Variants in NUP107 observed in about 807,000 individuals in gnomAD.
NUP107 encodes the protein nuclear pore complex protein Nup107.
Under a neutral mutation model 141.0 loss-of-function variants are expected in NUP107, and 101 were observed. The observed-to-expected ratio is 0.72, with a 90% CI of 0.61 to 0.84. The LOEUF (loss-of-function observed/expected upper bound fraction) is 0.84, where lower values mean the gene tolerates loss of function less well. Among genes scored for constraint, NUP107 ranks in the 40% least tolerant of loss-of-function variants. The probability of loss-of-function intolerance (pLI) is 0.00; values close to 1 mark genes in which losing one functional copy is unlikely to be tolerated. For missense variants in NUP107, 941 were observed against 1,102.7 expected, an observed-to-expected ratio of 0.85 and a Z score of 2.08; for synonymous variants, 319 against 363.9, an observed-to-expected ratio of 0.88 and a Z score of 1.41.
intron 5 of NUP107, among the ~76,000 whole-genome samples, chr12:68,695,617 A>C (rs1203663826): frequency 1.3e-5 from 2 of 152,206 alleles, no homozygotes; most frequent in Non-Finnish European, 2.9e-5. Flanking sequence ...GGCTGGGGTA[A>C]GTGGAGAGTG....
intron 12 of NUP107, among the ~76,000 whole-genome samples, chr12:68,717,253 T>G (rs1016191623): frequency 2.0e-5 from 3 of 152,172 alleles, no homozygotes; most frequent in Admixed American, 6.5e-5. Context: ...GCTCAAAAAA[T>G]AGAAATTCTC....
Position 68,734,727 on chromosome 12 carries a change from A to T in NUP107, c.2282A>T (p.Asn761Ile). 2.5e-6 allele frequency: 4 copies of T among 1,602,234 alleles called. No homozygotes were observed. The highest frequency in any genetic ancestry group is 3.4e-6 in the Non-Finnish European group (4 of 1,175,458). The change falls in exon 25 of 28, where the codon AAT (asparagine) becomes ATT (isoleucine). Residue 761 changes from asparagine (N) to isoleucine (I), a missense_variant. By Grantham distance (149) the Asn-to-Ile change is moderately radical (BLOSUM62 -3). Coordinates refer to ENST00000229179, the MANE Select transcript of NUP107 (RefSeq NM_020401.4). ...RAYLEAHETF[N>I]EWFKHMNSVP... ...TTTTAGGAAGCCCATGAAACCTTTA[A>T]TGAGTGGTTTAAGCATATGAATTCA...
chr12:68,692,015 G>C lies in NUP107; in HGVS notation c.351G>C (p.Gln117His). ...DSNWAAAFSS[Q>H]RSGLFTNTEP... ...ACTGGGCAGCTGCATTTTCATCACA[G>C]CGTTCCGGGCTGTTCACAAACACAG... Residue 117 changes from glutamine (Q) to histidine (H), a missense_variant, in exon 5 of 28, where the codon CAG becomes CAC. By Grantham distance (24) the Gln-to-His change is conservative (BLOSUM62 0). Coordinates refer to ENST00000229179, the MANE Select transcript of NUP107 (RefSeq NM_020401.4). 6.2e-7 allele frequency: 1 copy of C among 1,607,404 alleles called. No individual in the cohort carries two copies. The highest frequency in any genetic ancestry group is 8.5e-7 in the Non-Finnish European group (1 of 1,177,416).
intron 3 of NUP107, 64 bp downstream of exon 3, chr12:68,689,683 T>C: frequency 1.0e-6 from 1 of 983,312 alleles, no homozygotes; most frequent in Non-Finnish European, 1.6e-6. Context: ...CTAACATTTA[T>C]TGTAACATAA....
chr12:68,741,224 A>T (rs1878307308), intron 26 of NUP107, among the ~76,000 whole-genome samples: 1 of 152,184 alleles, frequency 6.6e-6, no homozygotes, highest in Non-Finnish European at 1.5e-5. Context: ...CCATGTATGT[A>T]TAAAGGAATG....
intron 19 of NUP107, among the ~76,000 whole-genome samples, chr12:68,727,099 A>G (rs1877599318): frequency 6.6e-6 from 1 of 152,182 alleles, no homozygotes; most frequent in Non-Finnish European, 1.5e-5. Context: ...CTCTGGGTAA[A>G]TAAAACTTCC....
chr12:68,702,246 C>T (rs1392197863), intron 7 of NUP107, among the ~76,000 whole-genome samples: 1 of 152,140 alleles, frequency 6.6e-6, no homozygotes, highest in East Asian at 1.9e-4. Context: ...ACCTCGGCCT[C>T]CCAAAGTGCT....
chr12:68,705,027 T>C (rs1016941763), intron 8 of NUP107, among the ~76,000 whole-genome samples: 5 of 151,936 alleles, frequency 3.3e-5, no homozygotes, highest in African/African-American at 9.7e-5. Context: ...GGACTACAGG[T>C]GTGTACCACC....
chr12:68,736,658 C>T (rs1302325300), intron 26 of NUP107, among the ~76,000 whole-genome samples: 1 of 151,406 alleles, frequency 6.6e-6, no homozygotes, highest in Non-Finnish European at 1.5e-5. Flanking sequence ...CTCAAGCTGT[C>T]CTCCCACCTT....
At chr12:68,696,697 G>C (rs532995830) in intron 5 of NUP107, 122 bp from the exon 6 acceptor site, 5 of 586,434 alleles carry the variant, frequency 8.5e-6, no homozygotes, top group Non-Finnish European at 1.5e-5. Flanking sequence ...TGGACAACAA[G>C]AGTGAAACTC....
chr12:68,687,740 T>C (rs1875568364), intron 1 of NUP107: 7 of 717,504 alleles, frequency 9.8e-6, no homozygotes, highest in Non-Finnish European at 1.2e-5. Context: ...ACTGCCATTG[T>C]TCTAAAGGCG....
chr12:68,736,383 A>G (rs189524723), intron 26 of NUP107, among the ~76,000 whole-genome samples: 1 of 152,108 alleles, frequency 6.6e-6, no homozygotes, highest in East Asian at 1.9e-4. Context: ...ACTATTACTG[A>G]TGGAGTAATT....
chr12:68,688,265 G>A (rs1024707010), intron 1 of NUP107, among the ~76,000 whole-genome samples: 2 of 151,880 alleles, frequency 1.3e-5, no homozygotes, highest in African/African-American at 2.4e-5. Flanking sequence ...CTTTCCTGCT[G>A]AAGGAATATC....
chr12:68,717,796 A>T (rs1243102562), intron 12 of NUP107, among the ~76,000 whole-genome samples: 1 of 152,180 alleles, frequency 6.6e-6, no homozygotes, highest in Admixed American at 6.6e-5. Context: ...AACATTCTAT[A>T]TTGAGTTTTT....
At chr12:68,711,775 CAA>C (rs1876870646) in intron 10 of NUP107, among the ~76,000 whole-genome samples, 1 of 152,114 alleles carries the variant, frequency 6.6e-6, no homozygotes, top group African/African-American at 2.4e-5. Context: ...TGGTAGAAAA[CAA>C]GACTGGAGGA....
intron 17 of NUP107, among the ~76,000 whole-genome samples, chr12:68,724,277 G>A (rs755632994): frequency 3.3e-5 from 5 of 151,886 alleles, no homozygotes; most frequent in African/African-American, 4.8e-5. Context: ...AGGGTTTCAA[G>A]CCCTTCATTT....
Position 68,692,066 on chromosome 12 carries a change from A to G in NUP107, c.402A>G (p.Val134=). 1 of 1,611,580 alleles carries G rather than the reference A, an allele frequency of 6.2e-7. No individual in the cohort carries two copies. The highest frequency in any genetic ancestry group is 8.5e-7 in the Non-Finnish European group (1 of 1,179,174). Residue 134 remains valine, a synonymous_variant, in exon 5 of 28, where the codon GTA becomes GTG. Coordinates refer to ENST00000229179, the MANE Select transcript of NUP107 (RefSeq NM_020401.4). ...AGCCCCACAGTATAACAGAAGATGTAACTATCAGTGCTGTTATGTTACGTG... is the reference window on the plus strand; with the variant it reads ...AGCCCCACAGTATAACAGAAGATGTGACTATCAGTGCTGTTATGTTACGTG... ...NTEPHSITED[V]TISAVMLRED...
intron 6 of NUP107, 119 bp from the exon 7 acceptor site, chr12:68,700,607 C>T (rs941920293): frequency 5.2e-6 from 3 of 571,940 alleles, no homozygotes; most frequent in Non-Finnish European, 8.2e-6. Flanking sequence ...ATAGAGAAGG[C>T]AATTTTATAA....
chr12:68,714,091 G>A (rs1396117708), intron 11 of NUP107: 3 of 298,026 alleles, frequency 1.0e-5, no homozygotes, highest in African/African-American at 4.4e-5. Flanking sequence ...GCCTATATAA[G>A]GTAGTGACTG....
Sources: allele counts gnomAD v4.1 joint callset (sites outside exome capture counted in the v4.1 genomes callset), GRCh38; gene constraint gnomAD v4.1.1; transcripts MANE v1.5; gene names NCBI Gene and HGNC (gene_info 2026-07-23, HGNC 2026-07-21).